CALN1: variants seen among roughly 807,000 people sequenced by gnomAD.
CALN1 encodes calcium-binding protein 8.
A neutral mutation model predicts 30.6 loss-of-function variants in CALN1; 17 were observed. The ratio of observed to expected loss-of-function variants is 0.56; its 90% CI spans 0.38 to 0.83. CALN1 has a LOEUF of 0.83. Ranked by LOEUF, CALN1 falls within the 40% of genes least tolerant of loss-of-function variation. The pLI is 0.00. For missense variants in CALN1, 291 were observed against 354.9 expected (o/e 0.82, Z 1.45); for synonymous variants, 156 against 131.4 (o/e 1.19, Z -1.28).
At position 72,432,860 on chromosome 7, in the gene CALN1, C is replaced by T. The variant is rs547676040; in HGVS notation, c.-226+14182G>A. Among the ~76,000 whole-genome samples, 66 of 152,308 alleles carry T rather than the reference C, an allele frequency of 4.3e-4. 1 individual carries two copies. The South Asian group carries it at 0.013, about 31-fold the overall frequency. The stretch of plus-strand genomic sequence containing the variant: ...TGTCTTTTAAAACCAGGAAATCGAT[C>T]TGCCTCGGCAAAAAGACGGTGCTAG... On this transcript the variant is annotated intron_variant, in intron 1 of 6. Coordinates refer to the CALN1 transcript ENST00000395276.
At chr7:72,164,355 A>G (rs1788361184) in intron 3 of CALN1, among the ~76,000 whole-genome samples, 1 of 144,910 alleles carries the variant, frequency 6.9e-6, no homozygotes, top group African/African-American at 2.5e-5. Flanking sequence ...CCGTCAAAAA[A>G]AAAAAAAAAA....
At chr7:72,492,549 T>A in the CALN1 span, among the ~76,000 whole-genome samples, 3 of 152,254 alleles carry the variant, frequency 2.0e-5, no homozygotes, top group Non-Finnish European at 2.9e-5. Context: ...GCCACCTGTG[T>A]AGTCCTGCGG....
At chr7:72,154,678 T>A (rs533453351) in intron 3 of CALN1, among the ~76,000 whole-genome samples, 7 of 152,216 alleles carry the variant, frequency 4.6e-5, no homozygotes, top group African/African-American at 1.7e-4. Context: ...AGCAGGGCTT[T>A]TAAGGAGGTT....
At chr7:71,892,699 T>C (rs538835175) in intron 5 of CALN1, among the ~76,000 whole-genome samples, 1 of 152,326 alleles carries the variant, frequency 6.6e-6, no homozygotes, top group South Asian at 2.1e-4. Context: ...TTCAATTTCA[T>C]GTATGCTGGG....
At chr7:72,189,972 T>C (rs1790486689) in intron 3 of CALN1, among the ~76,000 whole-genome samples, 1 of 152,160 alleles carries the variant, frequency 6.6e-6, no homozygotes, top group African/African-American at 2.4e-5. Context: ...CGTTTTTTAC[T>C]GTCCAGGAAG....
At chr7:72,081,406 G>T (rs199864842) in intron 4 of CALN1, among the ~76,000 whole-genome samples, 19 of 35,414 alleles carry the variant, frequency 5.4e-4, no homozygotes, top group Non-Finnish European at 9.5e-4. Flanking sequence ...AAAATCATAG[G>T]GTGTGTGTGT....
rs978657882 is a variant in CALN1, at chr7:72,336,943, G to A, written c.120-58133C>T. The A allele has an allele frequency of 5.1e-6, 5 of 984,972 alleles. No homozygotes were observed. The Admixed American group carries it at 2.5e-4, about 49-fold the overall frequency. 61.0% of individuals were successfully genotyped at this position (984,972 alleles called of 1,614,324 possible). ...CACGCGCGCGCCGGGACCTGCACGA[G>A]CCCCCTCGTCGACTCGGAGCGCGAT... is the stretch of plus-strand genomic sequence containing the variant. On this transcript the variant is annotated intron_variant, in intron 2 of 6. Coordinates refer to ENST00000395275, the MANE Select transcript of CALN1 (RefSeq NM_031468.4).
At position 72,071,092 on chromosome 7, in the gene CALN1, T is replaced by C. The variant is rs144795097; in HGVS notation, c.388+35059A>G. Among the ~76,000 whole-genome samples, 281 of 152,338 alleles carry C rather than the reference T, an allele frequency of 1.8e-3. 1 individual carries two copies. Among genetic ancestry groups the C allele is most frequent in the African/African-American group, 5.8e-3 (242 of 41,580 alleles). On this transcript the variant is annotated intron_variant, in intron 4 of 6. Coordinates refer to ENST00000395275, the MANE Select transcript of CALN1 (RefSeq NM_031468.4). ...TTGCAACTTCCAGGGAAAGGCTTGG[T>C]TGGTAAATTGCAGTTAATTTCCATC...
the CALN1 span, among the ~76,000 whole-genome samples, chr7:72,461,381 C>A: frequency 6.6e-6 from 1 of 152,140 alleles, no homozygotes; most frequent in Non-Finnish European, 1.5e-5. Context: ...CACTATGCAC[C>A]ATAGCAAAGA....
intron 3 of CALN1, among the ~76,000 whole-genome samples, chr7:72,242,213 T>C (rs1794886213): frequency 6.6e-6 from 1 of 152,174 alleles, no homozygotes; most frequent in Non-Finnish European, 1.5e-5. Flanking sequence ...AGAATGTCCT[T>C]CCTTTTTAAG....
intron 3 of CALN1, among the ~76,000 whole-genome samples, chr7:72,224,109 G>T (rs934178412): frequency 2.0e-5 from 3 of 152,056 alleles, no homozygotes; most frequent in African/African-American, 7.2e-5. Context: ...ATATACCCTT[G>T]TAATATATAC....
chr7:72,466,723 A>G, the CALN1 span, among the ~76,000 whole-genome samples: 1 of 151,582 alleles, frequency 6.6e-6, no homozygotes, highest in African/African-American at 2.4e-5. Flanking sequence ...AGCCTGGGCA[A>G]CAGAGTGAGA....
intron 1 of CALN1, among the ~76,000 whole-genome samples, chr7:72,409,223 T>TGAC: frequency 6.6e-6 from 1 of 151,176 alleles, no homozygotes; most frequent in East Asian, 2.0e-4. Context: ...CTCCAAGTCC[T>TGAC]GACCTCATGA....
chr7:72,072,248 G>C (rs1045673770), intron 4 of CALN1, among the ~76,000 whole-genome samples: 2 of 152,132 alleles, frequency 1.3e-5, no homozygotes, highest in Non-Finnish European at 2.9e-5. Flanking sequence ...AAGACAAAGA[G>C]AAAATCTTGA....
intron 6 of CALN1, among the ~76,000 whole-genome samples, chr7:71,803,633 C>T (rs1435555635): frequency 1.3e-5 from 2 of 152,128 alleles, no homozygotes; most frequent in African/African-American, 4.8e-5. Context: ...TGCCACCACA[C>T]CCAGCTAATT....
At chr7:71,843,959 A>G (rs1790089844) in intron 5 of CALN1, among the ~76,000 whole-genome samples, 1 of 151,754 alleles carries the variant, frequency 6.6e-6, no homozygotes, top group Non-Finnish European at 1.5e-5. Flanking sequence ...GCATCAGAGA[A>G]GCAGCTAAAT....
chr7:72,078,706 C>T lies in CALN1; in HGVS notation c.388+27445G>A, dbSNP rs545953068. 1.1e-4 allele frequency among the ~76,000 whole-genome samples: 16 copies of T among 152,190 alleles called. No homozygotes were observed. In the South Asian group the frequency reaches 1.7e-3, roughly 16 times the overall value. ...TCTGCACTTTGGGAGGTCACCAAGG[C>T]GGGCAGACCACCTGAGGTCAGGAGA... is the stretch of plus-strand genomic sequence containing the variant. On this transcript the variant is annotated intron_variant, in intron 4 of 6. Coordinates refer to ENST00000395275, the MANE Select transcript of CALN1 (RefSeq NM_031468.4).
intron 2 of CALN1, among the ~76,000 whole-genome samples, chr7:72,374,657 T>C (rs930241542): frequency 2.0e-5 from 3 of 152,106 alleles, no homozygotes; most frequent in Admixed American, 1.3e-4. Context: ...AGCATCATTT[T>C]AATGAAAGAT....
chr7:72,022,800 T>C (rs1214285091), intron 5 of CALN1, among the ~76,000 whole-genome samples: 3 of 152,034 alleles, frequency 2.0e-5, no homozygotes, highest in African/African-American at 7.2e-5. Context: ...TAAATACTTG[T>C]TGGTTCTATG....
Sources: gnomAD v4.1 joint callset for allele counts (sites outside exome capture counted in the v4.1 genomes callset) on GRCh38, gnomAD v4.1.1 for gene constraint, MANE v1.5 for transcripts, NCBI Gene and HGNC (gene_info 2026-07-23, HGNC 2026-07-21) for gene names.